Variants in PLCXD3 observed in about 807,000 individuals in gnomAD.
The protein encoded by PLCXD3 is PI-PLC X domain-containing protein 3.
In PLCXD3, 19 loss-of-function variants were observed where a neutral mutation model predicts 25.5. The observed-to-expected ratio is 0.75, with a 90% CI of 0.52 to 1.09. The LOEUF is 1.09. Among genes scored for constraint, PLCXD3 ranks in the 50% least tolerant of loss-of-function variants. PLCXD3 has a pLI of 0.00. For missense variants in PLCXD3, 411 were observed against 388.1 expected, an observed-to-expected ratio of 1.06 and a Z score of -0.50; for synonymous variants, 174 against 137.6, an observed-to-expected ratio of 1.26 and a Z score of -1.85.
chr5:41,364,678 CT>C (rs1209463884), intron 2 of PLCXD3, among the ~76,000 whole-genome samples: 1 of 152,164 alleles, frequency 6.6e-6, no homozygotes, highest in Non-Finnish European at 1.5e-5. Flanking sequence ...TAAAATTGTC[CT>C]TTCTCATTAC....
At chr5:41,450,452 A>C (rs1747603269) in intron 1 of PLCXD3, among the ~76,000 whole-genome samples, 1 of 152,130 alleles carries the variant, frequency 6.6e-6, no homozygotes, top group Admixed American at 6.6e-5. Context: ...TCAATAGTTT[A>C]AGGATGAAGT....
chr5:41,453,083 T>G (rs1359116932), intron 1 of PLCXD3, among the ~76,000 whole-genome samples: 4 of 152,010 alleles, frequency 2.6e-5, no homozygotes, highest in African/African-American at 9.7e-5. Flanking sequence ...ATAGTCACCA[T>G]GTTGTACAAT....
At chr5:41,464,032 A>G (rs770614445) in intron 1 of PLCXD3, among the ~76,000 whole-genome samples, 2 of 151,996 alleles carry the variant, frequency 1.3e-5, no homozygotes, top group Non-Finnish European at 2.9e-5. Context: ...TACCTTAGCT[A>G]CCATAATTGT....
At chr5:41,416,394 A>T (rs1448649046) in intron 1 of PLCXD3, among the ~76,000 whole-genome samples, 1 of 152,224 alleles carries the variant, frequency 6.6e-6, no homozygotes, top group Non-Finnish European at 1.5e-5. Context: ...ACTGACTGAA[A>T]GCTGCCAAAC....
chr5:41,483,022 G>C (rs1748445679), intron 1 of PLCXD3, among the ~76,000 whole-genome samples: 1 of 152,134 alleles, frequency 6.6e-6, no homozygotes, highest in South Asian at 2.1e-4. Context: ...GAATCATACA[G>C]TATTTGTTTT....
At chr5:41,386,866 GA>G (rs1745652420) in intron 1 of PLCXD3, among the ~76,000 whole-genome samples, 1 of 151,746 alleles carries the variant, frequency 6.6e-6, no homozygotes, top group Non-Finnish European at 1.5e-5. Flanking sequence ...CCTTCTGATT[GA>G]AAAAAAGACT....
At chr5:41,495,209 T>G (rs1291387042) in intron 1 of PLCXD3, among the ~76,000 whole-genome samples, 2 of 152,222 alleles carry the variant, frequency 1.3e-5, no homozygotes, top group African/African-American at 2.4e-5. Flanking sequence ...AAGAGGAGAC[T>G]AGACTGCACG....
At chr5:41,462,800 A>C (rs935059691) in intron 1 of PLCXD3, among the ~76,000 whole-genome samples, 2 of 151,932 alleles carry the variant, frequency 1.3e-5, no homozygotes, top group East Asian at 3.9e-4. Flanking sequence ...GAAAAAAAAA[A>C]GAAAAAGAAA....
chr5:41,500,101 A>G (rs966525299), intron 1 of PLCXD3, among the ~76,000 whole-genome samples: 4 of 151,878 alleles, frequency 2.6e-5, no homozygotes, highest in South Asian at 2.1e-4. Context: ...CAATACATCA[A>G]AAAAACACCT....
At chr5:41,437,799 G>C (rs1385213214) in intron 1 of PLCXD3, among the ~76,000 whole-genome samples, 1 of 152,118 alleles carries the variant, frequency 6.6e-6, no homozygotes, top group Admixed American at 6.6e-5. Flanking sequence ...ACCTAATTAA[G>C]TTTTTCTACA....
chr5:41,503,210 G>A (rs1748990892), intron 1 of PLCXD3, among the ~76,000 whole-genome samples: 1 of 152,108 alleles, frequency 6.6e-6, no homozygotes, highest in Admixed American at 6.5e-5. Context: ...GGAGTTCCAG[G>A]AAAGCATAGC....
intron 1 of PLCXD3, among the ~76,000 whole-genome samples, chr5:41,382,774 T>A (rs1490278162): frequency 2.6e-5 from 4 of 152,126 alleles, no homozygotes; most frequent in African/African-American, 9.7e-5. Context: ...TATAATTAAA[T>A]TTAAAATTTA....
chr5:41,435,311 T>C (rs1040122172), intron 1 of PLCXD3, among the ~76,000 whole-genome samples: 3 of 152,230 alleles, frequency 2.0e-5, no homozygotes, highest in Non-Finnish European at 2.9e-5. Context: ...TGGAGGAAAT[T>C]TGTTTTCCCC....
intron 1 of PLCXD3, among the ~76,000 whole-genome samples, chr5:41,415,546 C>T (rs1346493952): frequency 2.0e-5 from 3 of 152,162 alleles, no homozygotes; most frequent in Admixed American, 6.5e-5. Context: ...CTATTTAGTT[C>T]ACAATGACGT....
At chr5:41,405,261 T>C (rs908332436) in intron 1 of PLCXD3, among the ~76,000 whole-genome samples, 2 of 152,076 alleles carry the variant, frequency 1.3e-5, no homozygotes, top group African/African-American at 4.8e-5. Context: ...TATTTCTACT[T>C]CCCATGGGAA....
At chr5:41,387,718 T>C (rs192779830) in intron 1 of PLCXD3, among the ~76,000 whole-genome samples, 48 of 152,252 alleles carry the variant, frequency 3.2e-4, no homozygotes, top group African/African-American at 1.1e-3. Context: ...GAAATGTTCT[T>C]ATTTTTAAAC....
chr5:41,464,452 A>T (rs1747965748), intron 1 of PLCXD3, among the ~76,000 whole-genome samples: 1 of 152,048 alleles, frequency 6.6e-6, no homozygotes, highest in Non-Finnish European at 1.5e-5. Flanking sequence ...GATAAAATTA[A>T]TATGGGCATT....
chr5:41,367,704 A>T (rs953708280), intron 2 of PLCXD3, among the ~76,000 whole-genome samples: 1 of 152,146 alleles, frequency 6.6e-6, no homozygotes, highest in African/African-American at 2.4e-5. Flanking sequence ...CTTCATCATG[A>T]AATCTTTGCT....
chr5:41,411,339 T>C (rs1348803991), intron 1 of PLCXD3, among the ~76,000 whole-genome samples: 2 of 152,232 alleles, frequency 1.3e-5, no homozygotes, highest in Admixed American at 1.3e-4. Context: ...TTTGATTCTA[T>C]GATGCCCTCA....
Sources: allele counts gnomAD v4.1 joint callset (sites outside exome capture counted in the v4.1 genomes callset), GRCh38; gene constraint gnomAD v4.1.1; transcripts MANE v1.5; gene names NCBI Gene and HGNC (gene_info 2026-07-23, HGNC 2026-07-21).